The following CEP128 variants were observed in gnomAD, a reference collection of about 807,000 sequenced individuals.
The protein encoded by CEP128 is centrosomal protein 128kDa.
Under a neutral mutation model 156.7 loss-of-function variants are expected in CEP128, and 132 were observed. That is an observed-to-expected ratio of 0.84 (90% CI 0.73 to 0.97). The LOEUF (loss-of-function observed/expected upper bound fraction) is 0.97. Ranked by LOEUF, CEP128 falls within the 50% of genes least tolerant of loss-of-function variation. The pLI is 0.00. For synonymous variants in CEP128, 469 were observed against 448.9 expected (o/e 1.04, Z -0.57); for missense variants, 1,252 against 1,281.9 (o/e 0.98, Z 0.36).
chr14:80,574,710 G>T (rs377531241), intron 20 of CEP128, among the ~76,000 whole-genome samples: 1 of 151,760 alleles, frequency 6.6e-6, no homozygotes, highest in Non-Finnish European at 1.5e-5. Context: ...TTTTTTCCTC[G>T]AAAGACTGTG....
At chr14:80,889,044 A>T (rs192372978) in intron 8 of CEP128, among the ~76,000 whole-genome samples, 72 of 152,284 alleles carry the variant, frequency 4.7e-4, no homozygotes, top group African/African-American at 1.7e-3. Context: ...CTACAAAGAA[A>T]ATAAAATACC....
intron 8 of CEP128, among the ~76,000 whole-genome samples, chr14:80,890,437 T>C (rs1390633311): frequency 6.6e-6 from 1 of 152,178 alleles, no homozygotes; most frequent in African/African-American, 2.4e-5. Context: ...CATGGAATAC[T>C]ATCCAGTCAT....
chr14:80,674,294 T>A (rs1194193957), intron 19 of CEP128, among the ~76,000 whole-genome samples: 1 of 152,088 alleles, frequency 6.6e-6, no homozygotes, highest in Admixed American at 6.6e-5. Context: ...CCATGAATAA[T>A]GTTAATATAA....
chr14:80,824,507 G>C (rs1464372805), intron 13 of CEP128, among the ~76,000 whole-genome samples: 1 of 152,138 alleles, frequency 6.6e-6, no homozygotes, highest in Non-Finnish European at 1.5e-5. Flanking sequence ...ATGCTTTGCT[G>C]CTTAAAAATT....
intron 20 of CEP128, among the ~76,000 whole-genome samples, chr14:80,560,689 C>T (rs772138412): frequency 2.0e-5 from 3 of 152,060 alleles, no homozygotes; most frequent in Non-Finnish European, 4.4e-5. Flanking sequence ...GAATATAAAG[C>T]AGGCAGAGAA....
At chr14:80,534,656 T>C (rs935723148) in intron 21 of CEP128, among the ~76,000 whole-genome samples, 6 of 151,832 alleles carry the variant, frequency 4.0e-5, no homozygotes, top group African/African-American at 1.5e-4. Context: ...AAACCCCATC[T>C]CTACTAAAAA....
chr14:80,946,437 A>G (rs190469799), upstream of CEP128, among the ~76,000 whole-genome samples: 195 of 151,126 alleles, frequency 1.3e-3, 1 homozygote, highest in African/African-American at 4.6e-3. Context: ...ATTGAAATCT[A>G]AAGAGCCTTG....
chr14:80,899,875 A>G (rs757632114), intron 7 of CEP128, 63 bp downstream of exon 7: 23 of 1,143,096 alleles, frequency 2.0e-5, no homozygotes, highest in Non-Finnish European at 2.9e-5. Context: ...TATGTCAATT[A>G]CAGAAGCTAA....
chr14:80,927,160 C>T (rs934138166), intron 2 of CEP128, among the ~76,000 whole-genome samples: 3 of 152,140 alleles, frequency 2.0e-5, no homozygotes, highest in Non-Finnish European at 2.9e-5. Flanking sequence ...GGTAAGGGGG[C>T]GTGTACCACA....
intron 13 of CEP128, among the ~76,000 whole-genome samples, chr14:80,798,455 A>G (rs1303443916): frequency 6.6e-6 from 1 of 152,250 alleles, no homozygotes; most frequent in Non-Finnish European, 1.5e-5. Flanking sequence ...GAATTCTGAC[A>G]ACACATATAA....
rs956816448 is a variant in CEP128 at position 80,576,083 on chromosome 14, A to T, written c.2856+4291T>A. The stretch of plus-strand genomic sequence containing the variant: ...CGGTGTGTGCTGTATTTTAGGATTC[A>T]GAAAGCAACATGGGGAAAGGTGAAC... On this transcript the variant is annotated intron_variant, in intron 20 of 24. Transcript: ENST00000555265. Among the ~76,000 whole-genome samples, 12 of 152,232 alleles carry T rather than the reference A, an allele frequency of 7.9e-5. No individual in the cohort carries two copies. In the South Asian group the frequency reaches 2.5e-3, roughly 32 times the overall value.
chr14:80,743,122 A>G lies in CEP128; in HGVS notation c.2759T>C (p.Ile920Thr), dbSNP rs376263744. The stretch of plus-strand genomic sequence containing the variant: ...ATCCAGAAGCTGCTCCTGCCTTTCT[A>G]TCTGTTGAAAGAGACACTGCAACTC... ...ESELQCLFQQ[I>T]ERQEQLLDEI... is the part of the protein sequence containing the mutation. The change falls in exon 19 of 25, where the codon ATA becomes ACA. Residue 920 changes from isoleucine (I) to threonine (T), a missense_variant. Coordinates refer to ENST00000555265, the MANE Select transcript of CEP128 (RefSeq NM_152446.5). 138 of 1,613,834 alleles carry G rather than the reference A, an allele frequency of 8.6e-5. No individual in the cohort carries two copies. Among genetic ancestry groups the G allele is most frequent in the Non-Finnish European group, 1.1e-4 (125 of 1,179,834 alleles).
rs556825847 is a variant in CEP128 at position 80,602,214 on chromosome 14, G to C, written c.2807-21791C>G. Among the ~76,000 whole-genome samples, 10 of 152,118 alleles carry C rather than the reference G, an allele frequency of 6.6e-5. No individual in the cohort carries two copies. In the East Asian group the frequency reaches 1.9e-3, roughly 29 times the overall value. On this transcript the variant is annotated intron_variant, in intron 19 of 24. Coordinates refer to ENST00000555265, the MANE Select transcript of CEP128 (RefSeq NM_152446.5). Reference sequence around the variant, plus strand: ...ATGACAGAAAAATGGACAGAATTGAGGGTAAAGAATACAACAATAATAGTT... The same window carrying C: ...ATGACAGAAAAATGGACAGAATTGACGGTAAAGAATACAACAATAATAGTT...
intron 19 of CEP128, among the ~76,000 whole-genome samples, chr14:80,656,023 A>G (rs4903931): frequency 0.55 from 83,035 of 150,978 alleles, 23,448 homozygotes; most frequent in Non-Finnish European, 0.59. Context: ...AGTCAGCTTT[A>G]CTAAACATCC....
intron 16 of CEP128, among the ~76,000 whole-genome samples, chr14:80,773,328 TG>T (rs1476406766): frequency 4.6e-5 from 7 of 152,158 alleles, no homozygotes; most frequent in African/African-American, 1.7e-4. Flanking sequence ...TTTTTCTCAT[TG>T]TATATAAATA....
chr14:80,703,019 A>C (rs528768013), intron 19 of CEP128, among the ~76,000 whole-genome samples: 18 of 152,154 alleles, frequency 1.2e-4, no homozygotes, highest in Non-Finnish European at 2.5e-4. Context: ...TTTTATGGTA[A>C]ATTTGGAGAG....
intron 13 of CEP128, among the ~76,000 whole-genome samples, chr14:80,795,360 G>C (rs1324771946): frequency 6.6e-6 from 1 of 152,102 alleles, no homozygotes; most frequent in African/African-American, 2.4e-5. Flanking sequence ...CATTGTCAAG[G>C]AGATGACCAC....
chr14:80,729,534 C>T (rs1319832933), intron 19 of CEP128, among the ~76,000 whole-genome samples: 2 of 152,106 alleles, frequency 1.3e-5, no homozygotes, highest in Non-Finnish European at 2.9e-5. Context: ...TAAATTCCCT[C>T]TGGGTAGATG....
At chr14:80,582,205 A>AACTAAGACCAGACTAAG (rs1371933546) in intron 19 of CEP128, among the ~76,000 whole-genome samples, 1 of 152,214 alleles carries the variant, frequency 6.6e-6, no homozygotes. Flanking sequence ...ATGGGAGCCC[A>AACTAAGACCAGACTAAG]ACTAAGACCA....
Sources: gnomAD v4.1 joint callset for allele counts (sites outside exome capture counted in the v4.1 genomes callset) on GRCh38, gnomAD v4.1.1 for gene constraint, MANE v1.5 for transcripts, NCBI Gene and HGNC (gene_info 2026-07-23, HGNC 2026-07-21) for gene names.